FTCDNL1: variants seen among roughly 807,000 people sequenced by gnomAD.
FTCDNL1 encodes the protein formiminotransferase cyclodeaminase N-terminal like, also known as formiminotransferase N-terminal subdomain-containing protein.
Under a neutral mutation model 5.9 loss-of-function variants are expected in FTCDNL1, and 11 were observed. That is an observed-to-expected ratio of 1.87 (90% CI 1.18 to 3.10). The LOEUF (loss-of-function observed/expected upper bound fraction) is 3.10. FTCDNL1 is among the 30% of genes most tolerant of loss of function. The pLI is 0.00. For missense variants in FTCDNL1, 115 were observed against 65.5 expected, an observed-to-expected ratio of 1.76 and a Z score of -2.61; for synonymous variants, 58 against 24.8, an observed-to-expected ratio of 2.34 and a Z score of -3.99.
chr2:199,806,189 T>C (rs1241934564), downstream of FTCDNL1, among the ~76,000 whole-genome samples: 2 of 152,110 alleles, frequency 1.3e-5, no homozygotes, highest in Non-Finnish European at 2.9e-5. Context: ...TTGCTGAGGG[T>C]GTTCTAATTG....
the FTCDNL1 span, among the ~76,000 whole-genome samples, chr2:199,698,348 C>T: frequency 3.9e-5 from 6 of 152,184 alleles, no homozygotes; most frequent in Non-Finnish European, 7.4e-5. Flanking sequence ...CTCAGCTGCA[C>T]ATGGCACATA....
the FTCDNL1 span, among the ~76,000 whole-genome samples, chr2:199,749,553 A>G: frequency 6.6e-6 from 1 of 152,134 alleles, no homozygotes; most frequent in African/African-American, 2.4e-5. Context: ...TAAAAAAAAA[A>G]AGAGTATTTG....
chr2:199,740,857 C>T, the FTCDNL1 span, among the ~76,000 whole-genome samples: 1 of 152,108 alleles, frequency 6.6e-6, no homozygotes, highest in Non-Finnish European at 1.5e-5. Flanking sequence ...ACAAATTGAG[C>T]ACATGCCCCT....
At chr2:199,764,886 G>A (rs1057326249) in intron 3 of FTCDNL1, among the ~76,000 whole-genome samples, 26 of 152,070 alleles carry the variant, frequency 1.7e-4, no homozygotes, top group African/African-American at 6.3e-4. Context: ...CCTGACCCAG[G>A]CATTCAGACC....
the FTCDNL1 span, among the ~76,000 whole-genome samples, chr2:199,695,169 A>G: frequency 4.9e-4 from 74 of 152,370 alleles, no homozygotes; most frequent in Non-Finnish European, 8.2e-4. Context: ...TTTCATTTCT[A>G]GTAGAAAGAA....
chr2:199,751,425 A>C, the FTCDNL1 span, among the ~76,000 whole-genome samples: 1 of 152,196 alleles, frequency 6.6e-6, no homozygotes, highest in Non-Finnish European at 1.5e-5. Context: ...GCTATGATCG[A>C]GTCAACCCTT....
the FTCDNL1 span, among the ~76,000 whole-genome samples, chr2:199,724,866 T>C: frequency 6.6e-6 from 1 of 152,152 alleles, no homozygotes; most frequent in Admixed American, 6.5e-5. Flanking sequence ...TCTGTTGTTT[T>C]TGGGTAGAGA....
chr2:199,687,271 A>G, the FTCDNL1 span, among the ~76,000 whole-genome samples: 1 of 152,214 alleles, frequency 6.6e-6, no homozygotes, highest in Non-Finnish European at 1.5e-5. Flanking sequence ...GCAAAAGTTC[A>G]AGGTCTTATT....
downstream of FTCDNL1, among the ~76,000 whole-genome samples, chr2:199,759,414 C>A (rs188204586): frequency 6.6e-6 from 1 of 151,764 alleles, no homozygotes; most frequent in East Asian, 1.9e-4. Context: ...GGATTCTAGA[C>A]CACCTAGCTG....
chr2:199,718,900 T>C, the FTCDNL1 span, among the ~76,000 whole-genome samples: 1 of 152,258 alleles, frequency 6.6e-6, no homozygotes, highest in South Asian at 2.1e-4. Flanking sequence ...TTATTATTTT[T>C]TTCTTCTTCT....
the FTCDNL1 span, among the ~76,000 whole-genome samples, chr2:199,726,953 CTGGGGGA>C: frequency 2.6e-5 from 4 of 152,184 alleles, no homozygotes; most frequent in African/African-American, 9.6e-5. Flanking sequence ...ATGCACTGTG[CTGGGGGA>C]ATCCCACTTG....
chr2:199,764,033 G>T (rs1466008948), intron 3 of FTCDNL1, among the ~76,000 whole-genome samples: 1 of 152,008 alleles, frequency 6.6e-6, no homozygotes, highest in African/African-American at 2.4e-5. Context: ...GTAGATACGG[G>T]GTTTCACCAT....
At chr2:199,741,023 A>G in the FTCDNL1 span, among the ~76,000 whole-genome samples, 3 of 152,162 alleles carry the variant, frequency 2.0e-5, no homozygotes, top group Non-Finnish European at 4.4e-5. Flanking sequence ...ATGCCACTCT[A>G]TCAACACAAC....
intron 3 of FTCDNL1, among the ~76,000 whole-genome samples, chr2:199,799,594 T>C (rs1360846981): frequency 1.3e-5 from 2 of 152,158 alleles, no homozygotes; most frequent in Non-Finnish European, 2.9e-5. Flanking sequence ...CCAGGGAAAA[T>C]TGAACACAGG....
the FTCDNL1 span, among the ~76,000 whole-genome samples, chr2:199,671,317 G>A: frequency 6.6e-6 from 1 of 152,076 alleles, no homozygotes; most frequent in Non-Finnish European, 1.5e-5. Context: ...CAACTCTGGT[G>A]GCAAAAGGGA....
chr2:199,795,003 G>C (rs1461761763), intron 3 of FTCDNL1, among the ~76,000 whole-genome samples: 1 of 152,180 alleles, frequency 6.6e-6, no homozygotes, highest in African/African-American at 2.4e-5. Context: ...CTGACCCAAG[G>C]TCAGATTCTG....
the FTCDNL1 span, among the ~76,000 whole-genome samples, chr2:199,750,741 C>T: frequency 6.6e-6 from 1 of 152,244 alleles, no homozygotes; most frequent in Non-Finnish European, 1.5e-5. Context: ...TCCACACATC[C>T]TGCTCTCCCC....
At chr2:199,719,983 G>A in the FTCDNL1 span, among the ~76,000 whole-genome samples, 5 of 152,102 alleles carry the variant, frequency 3.3e-5, no homozygotes, top group East Asian at 1.9e-4. Flanking sequence ...TCACCTCCTA[G>A]GTTAAACTTA....
intron 4 of FTCDNL1, 98 bp downstream of exon 4, chr2:199,819,473 CT>C: frequency 3.0e-6 from 2 of 656,976 alleles, no homozygotes; most frequent in Non-Finnish European, 5.4e-6. Flanking sequence ...GCAGCCACCC[CT>C]ATAACTCTTC....
Sources: gnomAD v4.1 joint callset for allele counts (sites outside exome capture counted in the v4.1 genomes callset) on GRCh38, gnomAD v4.1.1 for gene constraint, MANE v1.5 for transcripts, NCBI Gene and HGNC (gene_info 2026-07-23, HGNC 2026-07-21) for gene names.